Variants in RBMS3 observed in about 807,000 individuals in gnomAD.
The protein encoded by RBMS3 is RNA binding motif single stranded interacting protein 3.
A neutral mutation model predicts 66.8 loss-of-function variants in RBMS3; 27 were observed. The observed-to-expected ratio is 0.40, with a 90% CI of 0.30 to 0.56. The LOEUF is 0.56. Ranked by LOEUF, RBMS3 falls within the 20% of genes least tolerant of loss-of-function variation. RBMS3 has a pLI of 0.40. For missense variants in RBMS3, 513 were observed against 549.5 expected (o/e 0.93, Z 0.66); for synonymous variants, 188 against 183.0 (o/e 1.03, Z -0.22).
chr3:29,663,508 C>A (rs1367612419), intron 4 of RBMS3, among the ~76,000 whole-genome samples: 2 of 152,122 alleles, frequency 1.3e-5, no homozygotes, highest in Admixed American at 6.5e-5. Flanking sequence ...ATTCTTCTTA[C>A]AATTTGATAG....
chr3:29,371,874 A>T (rs12486479), intron 1 of RBMS3, among the ~76,000 whole-genome samples: 128,897 of 152,034 alleles, frequency 0.85, 55,126 homozygotes, highest in Non-Finnish European at 0.92. Context: ...AGTTTTTTTT[A>T]AATTATTTTT....
intron 1 of RBMS3, among the ~76,000 whole-genome samples, chr3:29,426,632 G>A (rs913458062): frequency 6.6e-6 from 1 of 152,190 alleles, no homozygotes; most frequent in African/African-American, 2.4e-5. Flanking sequence ...CACAATGATT[G>A]TTTCATCACA....
chr3:29,654,378 A>G (rs2050248172), intron 4 of RBMS3, among the ~76,000 whole-genome samples: 1 of 152,158 alleles, frequency 6.6e-6, no homozygotes, highest in South Asian at 2.1e-4. Flanking sequence ...TCATGTAGGC[A>G]CTATCAAATT....
At chr3:29,302,118 T>A (rs2033714482) in intron 1 of RBMS3, among the ~76,000 whole-genome samples, 1 of 151,996 alleles carries the variant, frequency 6.6e-6, no homozygotes, top group Non-Finnish European at 1.5e-5. Flanking sequence ...CAAGTGATCT[T>A]CCTGCCTCAA....
At chr3:29,935,980 G>A in intron 10 of RBMS3, 106 bp from the exon 11 acceptor site, 3 of 946,722 alleles carry the variant, frequency 3.2e-6, no homozygotes, top group South Asian at 3.7e-5. Flanking sequence ...TAGTAAAAAA[G>A]TAAAAACATT....
intron 5 of RBMS3, among the ~76,000 whole-genome samples, chr3:29,750,249 C>T (rs1056732268): frequency 2.0e-5 from 3 of 152,056 alleles, no homozygotes; most frequent in Admixed American, 6.5e-5. Context: ...AATCTTTATT[C>T]AAGAATTCTT....
chr3:29,613,130 T>C (rs1479537975), intron 4 of RBMS3, among the ~76,000 whole-genome samples: 4 of 152,050 alleles, frequency 2.6e-5, no homozygotes, highest in Non-Finnish European at 5.9e-5. Flanking sequence ...ATTTTTTTAA[T>C]GTAATAATAC....
At chr3:29,514,347 G>A (rs1016821782) in intron 3 of RBMS3, among the ~76,000 whole-genome samples, 1 of 151,918 alleles carries the variant, frequency 6.6e-6, no homozygotes, top group African/African-American at 2.4e-5. Flanking sequence ...AGAGGTAGTC[G>A]CTCCTCTATC....
At chr3:29,886,756 T>C (rs1483456279) in intron 8 of RBMS3, among the ~76,000 whole-genome samples, 1 of 151,736 alleles carries the variant, frequency 6.6e-6, no homozygotes, top group Non-Finnish European at 1.5e-5. Flanking sequence ...GAAGACTATA[T>C]TGGAGCAGGA....
At chr3:29,810,635 A>C (rs972340515) in intron 6 of RBMS3, among the ~76,000 whole-genome samples, 8 of 152,188 alleles carry the variant, frequency 5.3e-5, no homozygotes, top group Non-Finnish European at 8.8e-5. Flanking sequence ...GGATGCATTG[A>C]TGAGGTTATG....
chr3:29,718,363 A>C (rs1408595315), intron 4 of RBMS3, among the ~76,000 whole-genome samples: 1 of 151,984 alleles, frequency 6.6e-6, no homozygotes, highest in East Asian at 1.9e-4. Context: ...CGAGGCAAAA[A>C]TTTTAGTGCA....
chr3:29,632,500 T>C (rs2049320373), intron 4 of RBMS3, among the ~76,000 whole-genome samples: 1 of 151,892 alleles, frequency 6.6e-6, no homozygotes, highest in Non-Finnish European at 1.5e-5. Context: ...ATTTAAAAAC[T>C]GAGAGCTACT....
chr3:29,679,200 T>A (rs2051383538), intron 4 of RBMS3, among the ~76,000 whole-genome samples: 1 of 152,134 alleles, frequency 6.6e-6, no homozygotes, highest in South Asian at 2.1e-4. Flanking sequence ...TGATAAAGTT[T>A]GAAAAACCAC....
chr3:29,613,032 C>A (rs1317170116), intron 4 of RBMS3, among the ~76,000 whole-genome samples: 1 of 152,116 alleles, frequency 6.6e-6, no homozygotes, highest in Non-Finnish European at 1.5e-5. Context: ...ACCAGGGCTG[C>A]ATTCGTGTGT....
intron 1 of RBMS3, among the ~76,000 whole-genome samples, chr3:29,361,693 T>C (rs1197620326): frequency 1.3e-5 from 2 of 152,174 alleles, no homozygotes; most frequent in African/African-American, 4.8e-5. Flanking sequence ...ACCAATCAGA[T>C]GTAGATTTGG....
At chr3:29,913,999 G>A (rs1038894485) in intron 10 of RBMS3, among the ~76,000 whole-genome samples, 7 of 151,912 alleles carry the variant, frequency 4.6e-5, no homozygotes, top group African/African-American at 1.7e-4. Context: ...ATGAATGATT[G>A]ATGGATACTA....
intron 3 of RBMS3, among the ~76,000 whole-genome samples, chr3:29,494,822 C>T (rs2043678971): frequency 6.6e-6 from 1 of 152,116 alleles, no homozygotes; most frequent in Non-Finnish European, 1.5e-5. Flanking sequence ...ATATTTCCGA[C>T]AGGCTATATG....
At chr3:29,805,983 G>A (rs945624826) in intron 6 of RBMS3, among the ~76,000 whole-genome samples, 1 of 151,964 alleles carries the variant, frequency 6.6e-6, no homozygotes, top group Non-Finnish European at 1.5e-5. Context: ...CTATACAGGG[G>A]TGCCATTTTT....
chr3:29,950,092 T>C (rs1423727551), intron 12 of RBMS3, among the ~76,000 whole-genome samples: 1 of 151,834 alleles, frequency 6.6e-6, no homozygotes, highest in Non-Finnish European at 1.5e-5. Flanking sequence ...GTGTGCTGCT[T>C]TGCCATCCGA....
Sources: allele counts gnomAD v4.1 joint callset (sites outside exome capture counted in the v4.1 genomes callset), GRCh38; gene constraint gnomAD v4.1.1; transcripts MANE v1.5; gene names NCBI Gene and HGNC (gene_info 2026-07-23, HGNC 2026-07-21).